Variants in TAFA2 observed in about 807,000 individuals in gnomAD.
TAFA2 encodes the protein chemokine-like protein TAFA-2.
In TAFA2, 7 loss-of-function variants were observed where a neutral mutation model predicts 18.8. That is an observed-to-expected ratio of 0.37 (90% CI 0.21 to 0.70). TAFA2 has a LOEUF of 0.70. Among genes scored for constraint, TAFA2 ranks in the 30% least tolerant of loss-of-function variants. TAFA2 has a pLI of 0.53. For missense variants in TAFA2, 122 were observed against 158.1 expected (o/e 0.77, Z 1.23); for synonymous variants, 60 against 54.2 (o/e 1.11, Z -0.47).
At chr12:62,183,100 G>T (rs2062562263) in intron 1 of TAFA2, among the ~76,000 whole-genome samples, 1 of 152,190 alleles carries the variant, frequency 6.6e-6, no homozygotes, top group African/African-American at 2.4e-5. Context: ...CAATGTGATG[G>T]TATTTGTAGG....
chr12:61,901,050 AG>A (rs1876076278), intron 1 of TAFA2, among the ~76,000 whole-genome samples: 1 of 152,148 alleles, frequency 6.6e-6, no homozygotes, highest in South Asian at 2.1e-4. Flanking sequence ...ACTTTATTAC[AG>A]GTATGTTGGA....
intron 1 of TAFA2, among the ~76,000 whole-genome samples, chr12:62,147,264 ATATG>A (rs1389031537): frequency 1.4e-5 from 2 of 147,186 alleles, no homozygotes; most frequent in East Asian, 2.0e-4. Flanking sequence ...ATGTGTATAT[ATATG>A]TGTGTGTGTA....
At chr12:62,058,158 T>C (rs1349404638) in intron 1 of TAFA2, among the ~76,000 whole-genome samples, 6 of 152,236 alleles carry the variant, frequency 3.9e-5, no homozygotes, top group Non-Finnish European at 7.3e-5. Flanking sequence ...AGAAGTCAAC[T>C]ATGCCTGTCA....
chr12:61,782,790 G>A (rs1406211006), intron 2 of TAFA2, among the ~76,000 whole-genome samples: 1 of 151,680 alleles, frequency 6.6e-6, no homozygotes, highest in Non-Finnish European at 1.5e-5. Flanking sequence ...GCACTGTTTA[G>A]GAGAAGTTTT....
At chr12:61,711,371 T>A (rs752768812) in intron 4 of TAFA2, among the ~76,000 whole-genome samples, 4 of 151,944 alleles carry the variant, frequency 2.6e-5, no homozygotes, top group Non-Finnish European at 4.4e-5. Flanking sequence ...ATTTCTGCTG[T>A]GTTAATAAAT....
intron 1 of TAFA2, among the ~76,000 whole-genome samples, chr12:61,991,186 C>T (rs1366761007): frequency 6.6e-6 from 1 of 152,138 alleles, no homozygotes; most frequent in South Asian, 2.1e-4. Flanking sequence ...GTTTCCTTAC[C>T]GTCAAAATGT....
chr12:62,072,168 A>G (rs1882647494), intron 1 of TAFA2, among the ~76,000 whole-genome samples: 1 of 152,124 alleles, frequency 6.6e-6, no homozygotes, highest in African/African-American at 2.4e-5. Flanking sequence ...TTTTGTGTTA[A>G]AATAATCCAT....
chr12:62,144,821 G>A (rs1436973313), intron 1 of TAFA2, among the ~76,000 whole-genome samples: 1 of 152,154 alleles, frequency 6.6e-6, no homozygotes, highest in African/African-American at 2.4e-5. Context: ...GACTGGTTGA[G>A]AAAGCCTTAT....
intron 1 of TAFA2, among the ~76,000 whole-genome samples, chr12:62,242,010 T>C (rs1187397512): frequency 6.6e-6 from 1 of 152,194 alleles, no homozygotes; most frequent in African/African-American, 2.4e-5. Flanking sequence ...CTTCCCCTCT[T>C]TCCTCTCTTT....
intron 1 of TAFA2, among the ~76,000 whole-genome samples, chr12:61,907,347 C>A (rs1202730880): frequency 6.6e-6 from 1 of 152,184 alleles, no homozygotes; most frequent in Admixed American, 6.5e-5. Context: ...TCAACTTCAG[C>A]CATGGCTAAA....
At chr12:62,091,243 T>C (rs78958537) in intron 1 of TAFA2, among the ~76,000 whole-genome samples, 8,219 of 152,066 alleles carry the variant, frequency 0.054, 333 homozygotes, top group Non-Finnish European at 0.083. Context: ...ATAGCATTTA[T>C]ATCTGTATTT....
chr12:61,857,455 A>G (rs1041600377), intron 2 of TAFA2, among the ~76,000 whole-genome samples: 2 of 152,214 alleles, frequency 1.3e-5, no homozygotes, highest in African/African-American at 4.8e-5. Flanking sequence ...AAGGAAATCA[A>G]AAGTAATTAG....
At chr12:61,808,556 CAAAACA>C (rs1294460891) in intron 2 of TAFA2, among the ~76,000 whole-genome samples, 1 of 151,068 alleles carries the variant, frequency 6.6e-6, no homozygotes, top group East Asian at 1.9e-4. Context: ...AGCTGATGAG[CAAAACA>C]AGGTGTGAGG....
chr12:61,909,450 T>C (rs1876507425), intron 1 of TAFA2, among the ~76,000 whole-genome samples: 1 of 152,190 alleles, frequency 6.6e-6, no homozygotes, highest in African/African-American at 2.4e-5. Flanking sequence ...ATCCTGATGC[T>C]ATCAGCCAGG....
chr12:61,869,922 G>A (rs919408401), intron 1 of TAFA2, among the ~76,000 whole-genome samples: 2 of 152,108 alleles, frequency 1.3e-5, no homozygotes, highest in African/African-American at 4.8e-5. Context: ...GACAGGAAGA[G>A]CTGCTTAGCA....
Position 61,713,647 on chromosome 12 carries a change from A to G in TAFA2, c.385-3230T>C, listed in dbSNP as rs116054640. Among the ~76,000 whole-genome samples, 818 of 152,296 alleles carry G rather than the reference A, an allele frequency of 5.4e-3. 3 individuals carry two copies. The highest frequency in any genetic ancestry group is 0.019 in the African/African-American group (771 of 41,580). On this transcript the variant is annotated intron_variant, in intron 4 of 4. Coordinates refer to ENST00000416284, the MANE Select transcript of TAFA2 (RefSeq NM_178539.5). ...GGAAAATGATTCTAAATATAGGTAC[A>G]TTATCACCAGTTGAAAAAGTTTACT... is the stretch of plus-strand genomic sequence containing the variant.
At chr12:61,762,895 T>C (rs1869621801) in intron 2 of TAFA2, among the ~76,000 whole-genome samples, 1 of 152,034 alleles carries the variant, frequency 6.6e-6, no homozygotes, top group Non-Finnish European at 1.5e-5. Context: ...GGAGAATCTA[T>C]ATTGTACCTT....
At chr12:61,840,548 C>T (rs1475370507) in intron 2 of TAFA2, among the ~76,000 whole-genome samples, 1 of 151,972 alleles carries the variant, frequency 6.6e-6, no homozygotes, top group East Asian at 1.9e-4. Flanking sequence ...AGAGAATAGA[C>T]AATATGCCAC....
chr12:62,026,249 C>G (rs1286533675), intron 1 of TAFA2, among the ~76,000 whole-genome samples: 1 of 152,078 alleles, frequency 6.6e-6, no homozygotes, highest in Non-Finnish European at 1.5e-5. Flanking sequence ...TTCCATTCCT[C>G]ACTTGTTTCA....
Sources: gnomAD v4.1 joint callset for allele counts (sites outside exome capture counted in the v4.1 genomes callset) on GRCh38, gnomAD v4.1.1 for gene constraint, MANE v1.5 for transcripts, NCBI Gene and HGNC (gene_info 2026-07-23, HGNC 2026-07-21) for gene names.